ATP2B4: variants seen among roughly 807,000 people sequenced by gnomAD.
The protein encoded by ATP2B4 is plasma membrane calcium-transporting ATPase 4.
In ATP2B4, 39 loss-of-function variants were observed where a neutral mutation model predicts 110.3. That is an observed-to-expected ratio of 0.35 (90% confidence interval 0.27 to 0.46). The LOEUF is 0.46. Ranked by LOEUF, ATP2B4 falls within the 20% of genes least tolerant of loss-of-function variation. The pLI is 1.00. For synonymous variants in ATP2B4, 538 were observed against 571.7 expected, an observed-to-expected ratio of 0.94 and a Z score of 0.84; for missense variants, 1,135 against 1,530.9, an observed-to-expected ratio of 0.74 and a Z score of 4.32.
intron 20 of ATP2B4, chr1:203,728,074 C>T (rs1042069874): frequency 2.6e-6 from 1 of 379,200 alleles, no homozygotes; most frequent in Non-Finnish European, 5.4e-6. Flanking sequence ...ATATCTCCCC[C>T]ATTCAAAGTG....
intron 20 of ATP2B4, 35 bp from the exon 21 acceptor site, chr1:203,739,511 A>G (rs751824713): frequency 6.3e-7 from 1 of 1,584,174 alleles, no homozygotes; most frequent in Non-Finnish European, 8.6e-7. Flanking sequence ...TCACCTCTCT[A>G]TTTTCTCATC....
chr1:203,667,959 G>A (rs2102340646), intron 1 of ATP2B4, among the ~76,000 whole-genome samples: 2 of 152,288 alleles, frequency 1.3e-5, no homozygotes, highest in Middle Eastern at 6.8e-3. Flanking sequence ...GGAGGAACTG[G>A]GGGAAAGCTT....
In ATP2B4 at chr1:203,677,344, C is replaced by T. The variant is rs1245233089; in HGVS notation, c.-464-5398C>T. 5.3e-5 allele frequency among the ~76,000 whole-genome samples: 8 copies of T among 152,306 alleles called. No individual in the cohort carries two copies. In the East Asian group the frequency reaches 1.5e-3, roughly 29 times the overall value. On this transcript the variant is annotated intron_variant, in intron 1 of 20. Coordinates refer to ENST00000357681, the MANE Select transcript of ATP2B4 (RefSeq NM_001684.5). ...TATTTTTTTCCCAACCTTCCCACCT[C>T]TCCCAATCCCACATCCCTGTTCCTG...
At chr1:203,666,845 C>T (rs1188716392) in intron 1 of ATP2B4, among the ~76,000 whole-genome samples, 3 of 152,174 alleles carry the variant, frequency 2.0e-5, no homozygotes, top group Non-Finnish European at 4.4e-5. Flanking sequence ...TGTTTGTGGT[C>T]TTGGAAACCA....
chr1:203,631,953 C>T (rs912085059), intron 1 of ATP2B4, among the ~76,000 whole-genome samples: 4 of 152,006 alleles, frequency 2.6e-5, no homozygotes, highest in African/African-American at 7.2e-5. Context: ...AGCCACCACA[C>T]CGGCTAATTT....
In ATP2B4 at chr1:203,714,154, G is replaced by A. The variant is rs374963572; in HGVS notation, c.2300-17G>A. ...GGAGACCAGAAAAGCTCACTGTGGT[G>A]TGTCTGTTTCTCCCAGGCATAATTG... On this transcript the variant is annotated splice_polypyrimidine_tract_variant and intron_variant, in intron 14 of 20. Transcript: ENST00000357681. 5.1e-5 allele frequency: 82 copies of A among 1,612,668 alleles called. No individual in the cohort carries two copies. Among genetic ancestry groups the A allele is most frequent in the Middle Eastern group, 1.6e-4 (1 of 6,062 alleles).
chr1:203,648,425 A>G (rs533068475), intron 1 of ATP2B4, among the ~76,000 whole-genome samples: 3 of 152,308 alleles, frequency 2.0e-5, no homozygotes, highest in East Asian at 3.9e-4. Flanking sequence ...ATGATGGGAC[A>G]CTAGATGGGA....
chr1:203,711,768 G>A (rs984193735), intron 12 of ATP2B4, among the ~76,000 whole-genome samples, 192 bp from the exon 13 acceptor site: 1 of 152,192 alleles, frequency 6.6e-6, no homozygotes, highest in Admixed American at 6.5e-5. Flanking sequence ...AAATTCAAAT[G>A]TGACTGCCGT....
At chr1:203,638,925 G>A (rs546902152) in intron 1 of ATP2B4, among the ~76,000 whole-genome samples, 18 of 152,350 alleles carry the variant, frequency 1.2e-4, no homozygotes, top group African/African-American at 2.4e-4. Flanking sequence ...CCGTATCACC[G>A]TGCAGCTCCT....
At chr1:203,672,471 G>A (rs747819417) in intron 1 of ATP2B4, among the ~76,000 whole-genome samples, 4 of 151,688 alleles carry the variant, frequency 2.6e-5, no homozygotes, top group South Asian at 2.1e-4. Flanking sequence ...CTGCACACTC[G>A]CTTTGCCATA....
intron 1 of ATP2B4, among the ~76,000 whole-genome samples, chr1:203,668,592 G>A (rs1183709866): frequency 6.6e-6 from 1 of 152,172 alleles, no homozygotes; most frequent in African/African-American, 2.4e-5. Context: ...CAGATGGACT[G>A]GGGAGAATGC....
chr1:203,636,278 G>A (rs1558009140), intron 1 of ATP2B4, among the ~76,000 whole-genome samples: 1 of 152,184 alleles, frequency 6.6e-6, no homozygotes, highest in Non-Finnish European at 1.5e-5. Flanking sequence ...CCCTTGGCAA[G>A]GGCAGCACAC....
intron 10 of ATP2B4, 152 bp downstream of exon 10, chr1:203,708,256 A>G: frequency 1.6e-6 from 2 of 1,230,210 alleles, no homozygotes; most frequent in Non-Finnish European, 2.3e-6. Context: ...GGGTGAGACT[A>G]CAGAAAAATC....
intron 1 of ATP2B4, among the ~76,000 whole-genome samples, chr1:203,627,594 G>T (rs1050501586): frequency 9.9e-5 from 15 of 151,432 alleles, no homozygotes; most frequent in Non-Finnish European, 1.5e-5. Context: ...CTTGGCTTGG[G>T]AATGAGACGC....
At chr1:203,688,316 T>C (rs1665264109) in intron 2 of ATP2B4, among the ~76,000 whole-genome samples, 1 of 151,662 alleles carries the variant, frequency 6.6e-6, no homozygotes, top group African/African-American at 2.4e-5. Flanking sequence ...ATTTTATTTT[T>C]GAAACAGGGT....
At chr1:203,736,635 A>G (rs1666885853) in intron 20 of ATP2B4, among the ~76,000 whole-genome samples, 1 of 152,136 alleles carries the variant, frequency 6.6e-6, no homozygotes, top group African/African-American at 2.4e-5. Context: ...AGGGCCCCAA[A>G]AGAGACATTT....
chr1:203,709,852 A>T (rs1222725139), intron 11 of ATP2B4, among the ~76,000 whole-genome samples: 1 of 152,224 alleles, frequency 6.6e-6, no homozygotes, highest in African/African-American at 2.4e-5. Context: ...CACAGCCAGG[A>T]TTCAGACCTG....
chr1:203,726,128 A>C, intron 19 of ATP2B4, among the ~76,000 whole-genome samples: 1 of 150,904 alleles, frequency 6.6e-6, no homozygotes, highest in Non-Finnish European at 1.5e-5. Context: ...AATCCCAGCT[A>C]CTTGGGAGGC....
chr1:203,739,503 A>G, intron 20 of ATP2B4, 43 bp from the exon 21 acceptor site: 1 of 1,570,722 alleles, frequency 6.4e-7, no homozygotes, highest in Non-Finnish European at 8.7e-7. Context: ...GCCAATTCTC[A>G]CCTCTCTATT....
Sources: allele counts gnomAD v4.1 joint callset (sites outside exome capture counted in the v4.1 genomes callset), GRCh38; gene constraint gnomAD v4.1.1; transcripts MANE v1.5; gene names NCBI Gene and HGNC (gene_info 2026-07-23, HGNC 2026-07-21).